The following RSRC1 variants were observed in gnomAD, a reference collection of about 807,000 sequenced individuals.
The protein encoded by RSRC1 is arginine and serine rich coiled-coil 1.
RSRC1 carries 39 observed loss-of-function variants against 49.1 expected under a neutral mutation model. That is an observed-to-expected ratio of 0.79 (90% CI 0.61 to 1.04). The LOEUF (loss-of-function observed/expected upper bound fraction) is 1.04. Ranked by LOEUF, RSRC1 falls within the 50% of genes least tolerant of loss-of-function variation. RSRC1 has a pLI of 0.00. For synonymous variants in RSRC1, 143 were observed against 130.8 expected, an observed-to-expected ratio of 1.09 and a Z score of -0.63; for missense variants, 388 against 402.4, an observed-to-expected ratio of 0.96 and a Z score of 0.31.
chr3:158,449,966 G>A (rs995069199), intron 6 of RSRC1, among the ~76,000 whole-genome samples: 2 of 151,848 alleles, frequency 1.3e-5, no homozygotes, highest in Non-Finnish European at 2.9e-5. Flanking sequence ...GTGTCCTCCT[G>A]GCTAAGTTTT....
At position 158,159,007 on chromosome 3, in the gene RSRC1, G is replaced by A. The variant is rs1578145790; in HGVS notation, c.320+35016G>A. Among the ~76,000 whole-genome samples, 2 of 151,868 alleles carry A rather than the reference G, an allele frequency of 1.3e-5. 1 individual carries two copies. The highest frequency in any genetic ancestry group is 4.8e-5 in the African/African-American group (2 of 41,408). ...TAGCCTCAAAAGCCTTTCAAGTGAT[G>A]CTGTCTTTTCTACTTTTTGTTCTTA... is the stretch of plus-strand genomic sequence containing the variant. On this transcript the variant is annotated intron_variant, in intron 3 of 9. Coordinates refer to ENST00000611884, the MANE Select transcript of RSRC1 (RefSeq NM_001271838.2).
intron 7 of RSRC1, among the ~76,000 whole-genome samples, chr3:158,468,231 C>T (rs1737977840): frequency 6.6e-6 from 1 of 152,320 alleles, no homozygotes; most frequent in Non-Finnish European, 1.5e-5. Context: ...CCGCGCCCGG[C>T]CAGAAAAATT....
At chr3:158,269,447 T>A (rs1468993247) in intron 4 of RSRC1, among the ~76,000 whole-genome samples, 4 of 152,222 alleles carry the variant, frequency 2.6e-5, no homozygotes, top group Non-Finnish European at 5.9e-5. Context: ...TTTATCTCCC[T>A]TCTACCTTAC....
chr3:158,466,505 T>C (rs1379879756), intron 7 of RSRC1, among the ~76,000 whole-genome samples: 4 of 152,196 alleles, frequency 2.6e-5, no homozygotes, highest in South Asian at 4.1e-4. Context: ...GAAGCTGACA[T>C]ACATATTGAA....
At chr3:158,237,238 A>G (rs73166343) in intron 4 of RSRC1, among the ~76,000 whole-genome samples, 18,317 of 152,204 alleles carry the variant, frequency 0.12, 1,374 homozygotes, top group Middle Eastern at 0.19. Flanking sequence ...TGTGTTTAAT[A>G]TCTCATGAGT....
chr3:158,470,361 C>CATATAT (rs59508977), intron 7 of RSRC1, among the ~76,000 whole-genome samples: 180 of 100,292 alleles, frequency 1.8e-3, no homozygotes, highest in South Asian at 4.7e-3. Flanking sequence ...CACACACACA[C>CATATAT]ATATATATAT....
At chr3:158,439,669 T>C (rs1736265453) in intron 6 of RSRC1, among the ~76,000 whole-genome samples, 1 of 151,472 alleles carries the variant, frequency 6.6e-6, no homozygotes, top group South Asian at 2.1e-4. Flanking sequence ...TGTTGTGGGG[T>C]GGGGGGCTAG....
intron 6 of RSRC1, among the ~76,000 whole-genome samples, chr3:158,416,569 A>G (rs1450936193): frequency 1.3e-5 from 2 of 152,030 alleles, no homozygotes; most frequent in Non-Finnish European, 2.9e-5. Flanking sequence ...AGGCACATCA[A>G]TGAGCAAGGC....
intron 4 of RSRC1, among the ~76,000 whole-genome samples, chr3:158,261,486 A>G (rs1393690923): frequency 6.6e-6 from 1 of 152,006 alleles, no homozygotes; most frequent in African/African-American, 2.4e-5. Flanking sequence ...AAGTTTTTAG[A>G]GTTCTTTATA....
At chr3:158,436,684 A>G (rs1039771103) in intron 6 of RSRC1, among the ~76,000 whole-genome samples, 1 of 151,940 alleles carries the variant, frequency 6.6e-6, no homozygotes, top group African/African-American at 2.4e-5. Flanking sequence ...GAACAGACAC[A>G]TGCATTTTAA....
intron 6 of RSRC1, among the ~76,000 whole-genome samples, chr3:158,454,063 T>C (rs1033984131): frequency 3.3e-5 from 5 of 152,164 alleles, no homozygotes; most frequent in Non-Finnish European, 2.9e-5. Flanking sequence ...AATTTGCTTA[T>C]GTGTATCTAC....
At chr3:158,332,572 A>G (rs780119375) in intron 5 of RSRC1, among the ~76,000 whole-genome samples, 9 of 152,172 alleles carry the variant, frequency 5.9e-5, no homozygotes, top group South Asian at 2.1e-4. Flanking sequence ...TGTGATATAA[A>G]CATACTTTGT....
At chr3:158,508,571 A>G (rs1300701081) in intron 7 of RSRC1, among the ~76,000 whole-genome samples, 1 of 151,346 alleles carries the variant, frequency 6.6e-6, no homozygotes, top group Non-Finnish European at 1.5e-5. Flanking sequence ...CTGTGGTTTC[A>G]GTTACAGTGA....
chr3:158,164,690 T>C (rs1718435597), intron 3 of RSRC1, among the ~76,000 whole-genome samples: 2 of 152,168 alleles, frequency 1.3e-5, no homozygotes, highest in South Asian at 4.1e-4. Context: ...GCTGACAATT[T>C]ACATTGAGAA....
intron 4 of RSRC1, among the ~76,000 whole-genome samples, chr3:158,290,514 A>T (rs1261559263): frequency 6.6e-6 from 1 of 152,092 alleles, no homozygotes; most frequent in Non-Finnish European, 1.5e-5. Context: ...TGACCTCGTG[A>T]TCCGCCCACC....
At chr3:158,507,249 G>A (rs1020912303) in intron 7 of RSRC1, among the ~76,000 whole-genome samples, 1 of 152,084 alleles carries the variant, frequency 6.6e-6, no homozygotes, top group African/African-American at 2.4e-5. Flanking sequence ...AACAGTGGAG[G>A]ATGAAGAGAA....
At chr3:158,463,672 G>A (rs886475875) in intron 7 of RSRC1, among the ~76,000 whole-genome samples, 9 of 152,156 alleles carry the variant, frequency 5.9e-5, no homozygotes, top group African/African-American at 2.2e-4. Flanking sequence ...CAAGATCTGT[G>A]CCATGCAAAT....
chr3:158,513,537 T>G (rs1200339625), intron 7 of RSRC1, among the ~76,000 whole-genome samples: 3 of 152,218 alleles, frequency 2.0e-5, no homozygotes, highest in African/African-American at 7.2e-5. Context: ...ATTGAGGATT[T>G]TTGCATCAAT....
intron 4 of RSRC1, among the ~76,000 whole-genome samples, chr3:158,228,507 GA>G (rs1214214728): frequency 2.6e-5 from 4 of 151,694 alleles, no homozygotes; most frequent in East Asian, 1.9e-4. Flanking sequence ...CTAATGGGGG[GA>G]AACCCTCTTT....
Sources: allele counts gnomAD v4.1 joint callset (sites outside exome capture counted in the v4.1 genomes callset), GRCh38; gene constraint gnomAD v4.1.1; transcripts MANE v1.5; gene names NCBI Gene and HGNC (gene_info 2026-07-23, HGNC 2026-07-21).